The following NLRP5 variants were observed in gnomAD, a reference collection of about 807,000 sequenced individuals.
The protein encoded by NLRP5 is NLR family pyrin domain containing 5, also known as NACHT, LRR and PYD domains-containing protein 5.
In NLRP5, 93 loss-of-function variants were observed where a neutral mutation model predicts 113.1. The observed-to-expected ratio is 0.82, with a 90% CI of 0.70 to 0.98. The LOEUF (loss-of-function observed/expected upper bound fraction) is 0.98, where lower values mean the gene tolerates loss of function less well. Ranked by LOEUF, NLRP5 falls within the 50% of genes least tolerant of loss-of-function variation. NLRP5 has a pLI of 0.00. For synonymous variants in NLRP5, 751 were observed against 600.7 expected (o/e 1.25, Z -3.66); for missense variants, 1,808 against 1,514.3 (o/e 1.19, Z -3.22).
At chr19:56,037,286 C>T (rs938205555) in intron 9 of NLRP5, among the ~76,000 whole-genome samples, 9 of 152,124 alleles carry the variant, frequency 5.9e-5, no homozygotes, top group Admixed American at 2.0e-4. Context: ...TACCAGGCAC[C>T]GTCGCAGCTG....
chr19:56,005,972 G>T (rs1220342096), intron 2 of NLRP5, among the ~76,000 whole-genome samples: 1 of 152,108 alleles, frequency 6.6e-6, no homozygotes, highest in Non-Finnish European at 1.5e-5. Context: ...AGATGAGATT[G>T]ATTGTTTAAC....
intron 13 of NLRP5, among the ~76,000 whole-genome samples, chr19:56,057,297 C>T (rs1289338850): frequency 6.6e-6 from 1 of 152,146 alleles, no homozygotes; most frequent in Non-Finnish European, 1.5e-5. Context: ...AACCAGCGTG[C>T]TCCCTTCAAA....
chr19:56,023,946 C>T (rs1162205195), intron 6 of NLRP5, among the ~76,000 whole-genome samples: 1 of 151,896 alleles, frequency 6.6e-6, no homozygotes, highest in Non-Finnish European at 1.5e-5. Context: ...ACTTAAGGTC[C>T]CAGGATATGA....
rs1391546312 is a variant in NLRP5 at position 56,027,709 on chromosome 19, C to T, written c.1476C>T (p.Ala492=). The T allele has an allele frequency of 6.2e-7, 1 of 1,613,536 alleles. No individual in the cohort carries two copies. The highest frequency in any genetic ancestry group is 2.2e-5 in the East Asian group (1 of 44,848). Residue 492 remains alanine, a synonymous_variant, in exon 7 of 15, where the codon GCC becomes GCT. Coordinates refer to ENST00000390649, the MANE Select transcript of NLRP5 (RefSeq NM_153447.4). ...AGGACGTGGTGGGGGAGAGCGTCGC[C>T]CCCTTCAACCAAACGCTCACAGGCC... is the stretch of plus-strand genomic sequence containing the variant.
In NLRP5 at chr19:56,058,398, T is replaced by C; in HGVS notation, c.3458T>C (p.Leu1153Ser). ...GCCTTTGCCTGTCCCACGTCTAACT[T>C]ACAGATAATTGGGTAAGTCGCCAGC... The change falls in exon 14 of 15, where the codon TTA (leucine) becomes TCA (serine). Residue 1153 changes from leucine to serine, a missense_variant. Physicochemically the swap from Leu to Ser is moderately radical, Grantham distance 145. Coordinates refer to ENST00000390649, the MANE Select transcript of NLRP5 (RefSeq NM_153447.4). 1 of 1,612,950 alleles carries C rather than the reference T, an allele frequency of 6.2e-7. No homozygotes were observed. Among genetic ancestry groups the C allele is most frequent in the South Asian group, 1.1e-5 (1 of 90,886 alleles).
intron 10 of NLRP5, 43 bp downstream of exon 10, chr19:56,038,238 C>T (rs1465733573): frequency 6.4e-7 from 1 of 1,563,066 alleles, no homozygotes; most frequent in Admixed American, 1.7e-5. Context: ...GTAACTTCCA[C>T]CAGGATTATC....
At chr19:55,990,885 G>A in the NLRP5 span, among the ~76,000 whole-genome samples, 1 of 152,134 alleles carries the variant, frequency 6.6e-6, no homozygotes, top group Non-Finnish European at 1.5e-5. Flanking sequence ...TGGGGAGGTT[G>A]AGGCAGGAGA....
intron 11 of NLRP5, among the ~76,000 whole-genome samples, chr19:56,042,176 CATT>C (rs1170307203): frequency 1.1e-4 from 16 of 152,174 alleles, no homozygotes; most frequent in East Asian, 3.8e-4. Flanking sequence ...ATTACCAACA[CATT>C]ATAGCAAGTA....
At chr19:56,019,122 AG>A (rs771481705) in intron 4 of NLRP5, among the ~76,000 whole-genome samples, 17 of 152,126 alleles carry the variant, frequency 1.1e-4, no homozygotes, top group Non-Finnish European at 2.1e-4. Flanking sequence ...AACTTGTGCA[AG>A]GCTCTTCAAG....
chr19:56,061,553 C>A lies in NLRP5; in HGVS notation c.*25C>A. 6.2e-7 allele frequency: 1 copy of A among 1,613,452 alleles called. No individual in the cohort carries two copies. ...AAGATACGGAAACCTGCCCCACTCA[C>A]ACCCATCTGATGGAGGAACTTTAAA... On this transcript the variant is annotated 3_prime_UTR_variant, in exon 15 of 15. Coordinates refer to ENST00000390649, the MANE Select transcript of NLRP5 (RefSeq NM_153447.4).
chr19:56,048,534 A>G (rs1347845465), intron 11 of NLRP5, among the ~76,000 whole-genome samples: 1 of 151,530 alleles, frequency 6.6e-6, no homozygotes, highest in Non-Finnish European at 1.5e-5. Context: ...TGTTCAAGGA[A>G]CAAACAAGGG....
intron 6 of NLRP5, among the ~76,000 whole-genome samples, chr19:56,023,468 C>A (rs1982694586): frequency 6.6e-6 from 1 of 152,200 alleles, no homozygotes; most frequent in Admixed American, 6.5e-5. Context: ...CAAAAATATT[C>A]AGGAAAACTC....
upstream of NLRP5, chr19:55,999,678 G>A (rs990676147): frequency 7.1e-7 from 1 of 1,412,334 alleles, no homozygotes; most frequent in African/African-American, 1.4e-5. Context: ...AGCTTCCAGA[G>A]GAGAGCCCAG....
chr19:56,038,868 G>A (rs73619290), intron 10 of NLRP5, among the ~76,000 whole-genome samples: 23,144 of 152,060 alleles, frequency 0.15, 1,881 homozygotes, highest in African/African-American at 0.22. Context: ...GCTGAGTGCA[G>A]TGGTAAGATC....
intron 2 of NLRP5, among the ~76,000 whole-genome samples, chr19:56,008,223 T>C (rs1047506848): frequency 1.9e-4 from 29 of 151,956 alleles, no homozygotes; most frequent in African/African-American, 7.0e-4. Context: ...CCACCGCGCC[T>C]GGCCACAAGA....
chr19:56,026,988 G>A lies in NLRP5; in HGVS notation c.755G>A (p.Ser252Asn), dbSNP rs970522062. ...GCTGAGGAGGAGGATGTACGTCGTA[G>A]TTTTGAAAACACTGCTGCTGACTGG... Residue 252 changes from serine (S) to asparagine (N), a missense_variant, in exon 7 of 15, where the codon AGT becomes AAT. Coordinates refer to ENST00000390649, the MANE Select transcript of NLRP5 (RefSeq NM_153447.4). The A allele has an allele frequency of 8.4e-6, 13 of 1,551,804 alleles. No homozygotes were observed. Among genetic ancestry groups the A allele is most frequent in the Non-Finnish European group, 1.1e-5 (13 of 1,147,026 alleles).
rs750444375 is a variant in NLRP5, at chr19:56,027,372, A to T, written c.1139A>T (p.Asp380Val). Residue 380 changes from aspartate (D) to valine (V), a missense_variant, in exon 7 of 15, where the codon GAC becomes GTC. Physicochemically the swap from Asp to Val is radical, Grantham distance 152. Coordinates refer to ENST00000390649, the MANE Select transcript of NLRP5 (RefSeq NM_153447.4). ...AACAATGACACAAAGCTCTGCAAAG[A>T]CTGGGCTGAGAAGCAGCCTCCGTTC... The T allele has an allele frequency of 1.9e-6, 3 of 1,613,496 alleles. No individual in the cohort carries two copies. Among genetic ancestry groups the T allele is most frequent in the South Asian group, 2.2e-5 (2 of 90,998 alleles).
At chr19:56,058,871 T>C (rs1352627756) in intron 14 of NLRP5, among the ~76,000 whole-genome samples, 2 of 152,198 alleles carry the variant, frequency 1.3e-5, no homozygotes, top group Non-Finnish European at 2.9e-5. Flanking sequence ...ATACCAACAA[T>C]GGAATTGTAT....
the NLRP5 span, among the ~76,000 whole-genome samples, chr19:55,993,987 C>T: frequency 6.6e-6 from 1 of 151,810 alleles, no homozygotes; most frequent in Non-Finnish European, 1.5e-5. Context: ...TCGGGTAAAT[C>T]ACCAGATCGC....
Sources: allele counts gnomAD v4.1 joint callset (sites outside exome capture counted in the v4.1 genomes callset), GRCh38; gene constraint gnomAD v4.1.1; transcripts MANE v1.5; gene names NCBI Gene and HGNC (gene_info 2026-07-23, HGNC 2026-07-21).